GDNF: variants seen among roughly 807,000 people sequenced by gnomAD.
The protein encoded by GDNF is glial cell line-derived neurotrophic factor.
A neutral mutation model predicts 13.7 loss-of-function variants in GDNF; 5 were observed. The observed-to-expected ratio is 0.36, with a 90% CI of 0.19 to 0.77. The LOEUF (loss-of-function observed/expected upper bound fraction) is 0.77. Ranked by LOEUF, GDNF falls within the 30% of genes least tolerant of loss-of-function variation. The probability of loss-of-function intolerance (pLI) is 0.51; values close to 1 mark genes in which losing one functional copy is unlikely to be tolerated. For missense variants in GDNF, 246 were observed against 274.3 expected, an observed-to-expected ratio of 0.90 and a Z score of 0.73; for synonymous variants, 122 against 112.5, an observed-to-expected ratio of 1.08 and a Z score of -0.53.
rs1750738077 is a variant in GDNF at position 37,837,211 on chromosome 5, AT to A, written c.-27+2295del. 6.6e-6 allele frequency among the ~76,000 whole-genome samples: 1 copy of A among 151,970 alleles called. No individual in the cohort carries two copies. The highest frequency in any genetic ancestry group is 1.5e-5 in the Non-Finnish European group (1 of 67,980). ...CCTCGGCTTCTCAGTTTGTCTCTCT[AT>A]CGCTTTCCCAAAACACATCTACATC... is the stretch of plus-strand genomic sequence containing the variant. On this transcript the variant is annotated intron_variant, in intron 1 of 2. Transcript: ENST00000326524. This position sits in a 1 kb window ranked among gnomAD's most constrained non-coding sequence, Gnocchi z 6.5.
At position 37,821,303 on chromosome 5, in the gene GDNF, C is replaced by T. The variant is rs866087613; in HGVS notation, c.152-5168G>A. On this transcript the variant is annotated intron_variant, in intron 2 of 2. Transcript: ENST00000326524. ...AAGAAGAGGGGTCTGGGTTTGGATT[C>T]GTTCCCTAAATTAAGACTTACTGGC... 6.6e-5 allele frequency among the ~76,000 whole-genome samples: 10 copies of T among 152,282 alleles called. No individual in the cohort carries two copies. In the South Asian group the frequency reaches 1.0e-3, roughly 16 times the overall value.
chr5:37,835,686 G>A, intron 1 of GDNF: 2 of 1,547,474 alleles, frequency 1.3e-6, no homozygotes, highest in African/African-American at 1.4e-5. Context: ...ATCCTCCGTG[G>A]TATACCCGAA....
chr5:37,831,997 T>C (rs989561042), intron 2 of GDNF, among the ~76,000 whole-genome samples: 12 of 152,238 alleles, frequency 7.9e-5, no homozygotes, highest in Admixed American at 3.3e-4. Flanking sequence ...CGTTGGCCAA[T>C]TATGAATTCC....
chr5:37,831,651 G>A (rs947871310), intron 2 of GDNF, among the ~76,000 whole-genome samples: 1 of 152,174 alleles, frequency 6.6e-6, no homozygotes, highest in Non-Finnish European at 1.5e-5. Context: ...TGCCTCCTGT[G>A]ATCATGGAAC....
intron 2 of GDNF, among the ~76,000 whole-genome samples, chr5:37,822,584 T>G (rs1416748538): frequency 6.6e-6 from 1 of 152,224 alleles, no homozygotes; most frequent in African/African-American, 2.4e-5. Context: ...TATGAAAGGC[T>G]GTCTTCAGAC....
chr5:37,826,132 C>A (rs965649197), intron 2 of GDNF, among the ~76,000 whole-genome samples: 2 of 152,150 alleles, frequency 1.3e-5, no homozygotes, highest in Non-Finnish European at 2.9e-5. Context: ...TGTGTCCAGA[C>A]CCTGGCTAAG....
intron 2 of GDNF, among the ~76,000 whole-genome samples, chr5:37,827,007 A>G (rs1750345244): frequency 6.6e-6 from 1 of 152,214 alleles, no homozygotes; most frequent in South Asian, 2.1e-4. Context: ...ATGATATTCC[A>G]AGGATGTTTC....
chr5:37,827,544 G>T (rs1427496784), intron 2 of GDNF, among the ~76,000 whole-genome samples: 1 of 152,222 alleles, frequency 6.6e-6, no homozygotes, highest in African/African-American at 2.4e-5. Context: ...AAATCCTGAA[G>T]CCAGTTGCTC....
intron 1 of GDNF, 43 bp from the exon 2 acceptor site, chr5:37,834,865 C>T (rs751071065): frequency 6.4e-7 from 1 of 1,574,016 alleles, no homozygotes; most frequent in Non-Finnish European, 8.7e-7. Flanking sequence ...CCGCAGAATG[C>T]ACGTTAAGCC....
intron 1 of GDNF, 111 bp from the exon 2 acceptor site, chr5:37,834,933 A>T: frequency 7.1e-6 from 7 of 981,118 alleles, no homozygotes; most frequent in African/African-American, 1.6e-5. Context: ...CTCCTCCGGC[A>T]CCGCTGCAGG....
At chr5:37,821,644 T>C (rs1454627931) in intron 2 of GDNF, among the ~76,000 whole-genome samples, 1 of 152,220 alleles carries the variant, frequency 6.6e-6, no homozygotes, top group Non-Finnish European at 1.5e-5. Context: ...TTTGTATAAA[T>C]AGTGTTACTT....
Position 37,815,908 on chromosome 5 carries a change from C to T in GDNF, c.379G>A (p.Val127Ile). Residue 127 changes from valine (V) to isoleucine (I), a missense_variant, in exon 3 of 3, where the codon GTC (valine) becomes ATC (isoleucine). Coordinates refer to ENST00000326524, the MANE Select transcript of GDNF (RefSeq NM_000514.4). This position sits in a 1 kb window ranked among gnomAD's most constrained non-coding sequence, Gnocchi z 5.0. Reference protein sequence around the residue: ...GCVLTAIHLNVTDLGLGYETK... With the variant: ...GCVLTAIHLNITDLGLGYETK... ...TCATAGCCCAGACCCAAGTCAGTGA[C>T]ATTTAAATGTATTGCAGTTAAGACA... 1.2e-6 allele frequency: 2 copies of T among 1,614,172 alleles called. No homozygotes were observed. The highest frequency in any genetic ancestry group is 1.7e-6 in the Non-Finnish European group (2 of 1,180,026).
chr5:37,834,690 C>G lies in GDNF; in HGVS notation c.107G>C (p.Arg36Pro). 2 of 1,608,210 alleles carry G rather than the reference C, an allele frequency of 1.2e-6. No homozygotes were observed. Among genetic ancestry groups the G allele is most frequent in the Non-Finnish European group, 1.7e-6 (2 of 1,177,444 alleles). ...KRPPEAPAED[R>P]SLGRRRAPFA... ...GGGCGCGCGGCGGCGGCCGAGGGAG[C>G]GGTCTTCGGCGGGCGCCTCGGGAGG... Residue 36 changes from arginine (R) to proline (P), a missense_variant, in exon 2 of 3, where the codon CGC (arginine) becomes CCC (proline). Transcript: ENST00000326524.
chr5:37,820,299 A>C (rs960609215), intron 2 of GDNF, among the ~76,000 whole-genome samples: 2 of 152,230 alleles, frequency 1.3e-5, no homozygotes, highest in African/African-American at 4.8e-5. Context: ...TATATGATAT[A>C]TAACTTTTTA....
chr5:37,835,656 C>T (rs1750678848), intron 1 of GDNF: 1 of 1,550,424 alleles, frequency 6.4e-7, no homozygotes, highest in South Asian at 1.2e-5. Context: ...GCAAAGACTG[C>T]ATTTGTCTTG....
rs750824476 is a variant in GDNF at position 37,834,787 on chromosome 5, A to G, written c.10T>C (p.Trp4Arg). 5.6e-6 allele frequency: 9 copies of G among 1,613,106 alleles called. No homozygotes were observed. The highest frequency in any genetic ancestry group is 3.3e-4 in the Middle Eastern group (2 of 6,080). Residue 4 changes from tryptophan (W) to arginine (R), a missense_variant, in exon 2 of 3, where the codon TGG becomes CGG. By Grantham distance (101) the Trp-to-Arg change is moderately radical (BLOSUM62 -3). Transcript: ENST00000326524. ...ACCAGGCAGACAGCCACGACATCCC[A>G]TAACTTCATCTTAAAGTCCCGTCCG... MKL[W>R]DVVAVCLVLL...
chr5:37,827,123 C>A (rs2910704), intron 2 of GDNF, among the ~76,000 whole-genome samples: 1 of 150,724 alleles, frequency 6.6e-6, no homozygotes, highest in Non-Finnish European at 1.5e-5. Context: ...CAATGTCATG[C>A]GGGAAAAAAA....
intron 1 of GDNF, chr5:37,835,480 T>C: frequency 6.8e-7 from 1 of 1,479,192 alleles, no homozygotes; most frequent in Non-Finnish European, 9.0e-7. Context: ...TTGGAGACTT[T>C]TGGCCTGTAT....
At chr5:37,833,358 T>C (rs1715185557) in intron 2 of GDNF, among the ~76,000 whole-genome samples, 1 of 152,232 alleles carries the variant, frequency 6.6e-6, no homozygotes, top group Admixed American at 6.5e-5. Flanking sequence ...AGTAGGTTTA[T>C]ACAGTTAATT....
Sources: allele counts gnomAD v4.1 joint callset (sites outside exome capture counted in the v4.1 genomes callset), GRCh38; gene constraint gnomAD v4.1.1; non-coding constraint Gnocchi (gnomAD v3.1); transcripts MANE v1.5; gene names NCBI Gene and HGNC (gene_info 2026-07-23, HGNC 2026-07-21).